The following TGS1 variants were observed in gnomAD, a reference collection of about 807,000 sequenced individuals.
TGS1 encodes the protein trimethylguanosine synthase.
TGS1 carries 69 observed loss-of-function variants against 92.2 expected under a neutral mutation model. The ratio of observed to expected loss-of-function variants is 0.75; its 90% CI spans 0.62 to 0.91. The LOEUF is 0.91. Ranked by LOEUF, TGS1 falls within the 40% of genes least tolerant of loss-of-function variation. TGS1 has a pLI of 0.00. For synonymous variants in TGS1, 345 were observed against 338.1 expected (o/e 1.02, Z -0.22); for missense variants, 1,062 against 1,001.2 (o/e 1.06, Z -0.82).
chr8:55,800,228 T>C (rs1043004895), intron 8 of TGS1, among the ~76,000 whole-genome samples: 2 of 152,192 alleles, frequency 1.3e-5, no homozygotes, highest in African/African-American at 4.8e-5. Context: ...CTAAACAGCA[T>C]ACCTACAGTA....
At chr8:55,820,153 G>A (rs1160959512) in intron 12 of TGS1, among the ~76,000 whole-genome samples, 2 of 152,166 alleles carry the variant, frequency 1.3e-5, no homozygotes, top group East Asian at 1.9e-4. Flanking sequence ...TCTGTCATTA[G>A]TAATTATTAT....
chr8:55,786,258 T>A lies in TGS1; in HGVS notation c.360T>A (p.Asn120Lys). 1 of 1,437,438 alleles carries A rather than the reference T, an allele frequency of 7.0e-7. No homozygotes were observed. Among genetic ancestry groups the A allele is most frequent in the Non-Finnish European group, 9.4e-7 (1 of 1,058,916 alleles). 89.0% of individuals were successfully genotyped at this position (1,437,438 alleles called of 1,614,324 possible). A position where few individuals can be genotyped will look rare whatever the true frequency, so the allele number is the denominator to read the frequency against. Reference protein sequence around the residue: ...KDFEVSMNTRNKVKIKKKKHQ... With the variant: ...KDFEVSMNTRKKVKIKKKKHQ... ...TATAGGTATCTATGAATACTAGAAA[T>A]AAAGTTAAAATAAAAAAGAAAAAAC... The change falls in exon 4 of 13, where the codon AAT becomes AAA. Residue 120 changes from asparagine (N) to lysine (K), a missense_variant. By Grantham distance (94) the Asn-to-Lys change is moderately conservative. Transcript: ENST00000260129.
In TGS1 at chr8:55,773,533, C is replaced by T. The variant is rs887283722; in HGVS notation, c.-86C>T. The T allele has an allele frequency of 3.0e-6, 3 of 992,090 alleles. No individual in the cohort carries two copies. The highest frequency in any genetic ancestry group is 1.6e-5 in the African/African-American group (1 of 60,868). 61.5% of individuals were successfully genotyped at this position (992,090 alleles called of 1,614,324 possible). ...CCTCATCCAGGGCTTGCGGGCGAGG[C>T]CTGTTTTAAGTCTCCAGTAACCGAG... On this transcript the variant is annotated 5_prime_UTR_variant, in exon 1 of 13. Coordinates refer to ENST00000260129, the MANE Select transcript of TGS1 (RefSeq NM_024831.8).
At chr8:55,803,692 CTTTT>C (rs111520676) in intron 9 of TGS1, among the ~76,000 whole-genome samples, 1 of 144,150 alleles carries the variant, frequency 6.9e-6, no homozygotes, top group African/African-American at 2.5e-5. Flanking sequence ...TTTTTCTTTT[CTTTT>C]TTTTTTTATT....
At chr8:55,779,648 GCCCTC>G (rs534809954) in intron 1 of TGS1, among the ~76,000 whole-genome samples, 200 of 152,268 alleles carry the variant, frequency 1.3e-3, no homozygotes, top group African/African-American at 4.5e-3. Context: ...CTTTTAGGAA[GCCCTC>G]CTTCTAAAAG....
chr8:55,792,508 T>G (rs1445075995), intron 5 of TGS1, among the ~76,000 whole-genome samples, 190 bp from the exon 6 acceptor site: 1 of 152,240 alleles, frequency 6.6e-6, no homozygotes, highest in Admixed American at 6.5e-5. Flanking sequence ...CAAATGCTCC[T>G]GGGTACTTAC....
chr8:55,816,786 A>C (rs1406743663), intron 12 of TGS1, among the ~76,000 whole-genome samples: 1 of 152,162 alleles, frequency 6.6e-6, no homozygotes, highest in Admixed American at 6.5e-5. Flanking sequence ...GAAGTTTACA[A>C]ATTAACTAAT....
intron 12 of TGS1, among the ~76,000 whole-genome samples, chr8:55,814,674 A>AAAAAT (rs1254531524): frequency 8.9e-5 from 11 of 123,332 alleles, no homozygotes; most frequent in African/African-American, 3.6e-4. Context: ...AAAAAAAAAA[A>AAAAAT]ATATATATAT....
chr8:55,787,361 A>G (rs1351362584), intron 4 of TGS1, among the ~76,000 whole-genome samples: 2 of 152,232 alleles, frequency 1.3e-5, no homozygotes, highest in Non-Finnish European at 2.9e-5. Flanking sequence ...TTAGTTTTCC[A>G]CAGCAAATGA....
chr8:55,788,454 C>CTTT (rs71256568), intron 4 of TGS1, among the ~76,000 whole-genome samples: 10,954 of 90,996 alleles, frequency 0.12, 743 homozygotes, highest in South Asian at 0.16. Flanking sequence ...CATTTTCATC[C>CTTT]TTTTTTTTTT....
chr8:55,803,680 A>G (rs572252830), intron 9 of TGS1, among the ~76,000 whole-genome samples: 8 of 148,194 alleles, frequency 5.4e-5, no homozygotes, highest in African/African-American at 7.5e-5. Context: ...TTTTCTTTTT[A>G]TTTTTTCTTT....
At chr8:55,791,230 C>T (rs1452041937) in intron 5 of TGS1, among the ~76,000 whole-genome samples, 2 of 152,198 alleles carry the variant, frequency 1.3e-5, no homozygotes, top group African/African-American at 4.8e-5. Flanking sequence ...AAAACAGAGT[C>T]ACTTGTGTCA....
chr8:55,811,071 CATT>C lies in TGS1; in HGVS notation c.2336_2338del (p.Ile779del). The C allele has an allele frequency of 2.5e-6, 4 of 1,609,324 alleles. No homozygotes were observed. Among genetic ancestry groups the C allele is most frequent in the Non-Finnish European group, 2.5e-6 (3 of 1,177,496 alleles). On this transcript the variant is annotated inframe_deletion, in exon 11 of 13. Transcript: ENST00000260129. ...ACTATGCCACTGCAGAGACCTTTGA[CATT>C]AGAACAATGATGTCTCCTGATGGAT... is the stretch of plus-strand genomic sequence containing the variant.
At chr8:55,800,685 C>G (rs1325184247) in intron 8 of TGS1, among the ~76,000 whole-genome samples, 4 of 152,198 alleles carry the variant, frequency 2.6e-5, no homozygotes, top group African/African-American at 2.4e-5. Flanking sequence ...CCCACAATGT[C>G]ATTATACCCC....
chr8:55,781,567 C>T (rs147363558), intron 1 of TGS1, among the ~76,000 whole-genome samples: 25 of 152,230 alleles, frequency 1.6e-4, no homozygotes, highest in Non-Finnish European at 1.0e-4. Flanking sequence ...TAGGTGCTGG[C>T]GGGCAGACCA....
chr8:55,818,359 G>C (rs1222447127), intron 12 of TGS1, among the ~76,000 whole-genome samples: 4 of 152,154 alleles, frequency 2.6e-5, no homozygotes, highest in Admixed American at 2.6e-4. Flanking sequence ...TTTTTGTAGA[G>C]ATGGGGTTTC....
intron 12 of TGS1, 25 bp downstream of exon 12, chr8:55,813,143 A>G (rs1483666621): frequency 1.3e-6 from 2 of 1,504,574 alleles, no homozygotes; most frequent in African/African-American, 1.4e-5. Context: ...AAAAACTTCC[A>G]TGAGTGTCTG....
intron 12 of TGS1, among the ~76,000 whole-genome samples, chr8:55,816,675 T>A (rs1803485934): frequency 6.6e-6 from 1 of 152,162 alleles, no homozygotes; most frequent in Admixed American, 6.6e-5. Flanking sequence ...CTGGCCTTTG[T>A]CTGGCAGACA....
intron 9 of TGS1, among the ~76,000 whole-genome samples, chr8:55,803,372 C>A (rs1014445733): frequency 1.3e-5 from 2 of 152,150 alleles, no homozygotes; most frequent in African/African-American, 4.8e-5. Flanking sequence ...GACTGATGCT[C>A]GTTTTCATAT....
Sources: allele counts gnomAD v4.1 joint callset (sites outside exome capture counted in the v4.1 genomes callset), GRCh38; gene constraint gnomAD v4.1.1; transcripts MANE v1.5; gene names NCBI Gene and HGNC (gene_info 2026-07-23, HGNC 2026-07-21).